The following PTPRM variants were observed in gnomAD, a reference collection of about 807,000 sequenced individuals.
PTPRM encodes receptor-type tyrosine-protein phosphatase mu.
A neutral mutation model predicts 186.7 loss-of-function variants in PTPRM; 47 were observed. That is an observed-to-expected ratio of 0.25 (90% confidence interval 0.20 to 0.32). The LOEUF is 0.32. PTPRM is among the 10% of genes least tolerant of loss of function. PTPRM has a pLI of 1.00. For synonymous variants in PTPRM, 668 were observed against 674.9 expected, an observed-to-expected ratio of 0.99 and a Z score of 0.16; for missense variants, 1,494 against 1,865.0, an observed-to-expected ratio of 0.80 and a Z score of 3.66.
intron 11 of PTPRM, among the ~76,000 whole-genome samples, chr18:8,108,375 T>C (rs2091613989): frequency 1.3e-5 from 2 of 152,150 alleles, no homozygotes; most frequent in Admixed American, 6.6e-5. Context: ...CCTTCTCTGT[T>C]CTCTTCCTTA....
intron 14 of PTPRM, among the ~76,000 whole-genome samples, chr18:8,194,158 T>C (rs1212343062): frequency 1.3e-5 from 2 of 152,232 alleles, no homozygotes; most frequent in Non-Finnish European, 2.9e-5. Flanking sequence ...TCAAAATATG[T>C]TTAGAATCTT....
chr18:7,901,918 A>C (rs951552225), intron 3 of PTPRM, among the ~76,000 whole-genome samples: 7 of 152,238 alleles, frequency 4.6e-5, no homozygotes, highest in Non-Finnish European at 1.0e-4. Flanking sequence ...ACTTGTACTC[A>C]AGTCCCTTAA....
chr18:8,391,357 G>C lies in PTPRM; in HGVS notation c.4209-3119G>C, dbSNP rs1364662207. ...CTGGAAACAGCCCAAACATTCATCA[G>C]CTGTTGGATAAATTGTACAGTGGGT... On this transcript the variant is annotated intron_variant, in intron 31 of 32. Transcript: ENST00000580170. Among the ~76,000 whole-genome samples the C allele has an allele frequency of 2.0e-5, 3 of 152,198 alleles. No homozygotes were observed. In the South Asian group the frequency reaches 6.2e-4, roughly 31 times the overall value.
chr18:7,929,104 G>A (rs535527069), intron 5 of PTPRM, among the ~76,000 whole-genome samples: 110 of 152,122 alleles, frequency 7.2e-4, no homozygotes, highest in African/African-American at 2.4e-3. Flanking sequence ...GGGGCCCAGC[G>A]TGCAATGTTT....
chr18:7,640,804 G>T (rs2038425857), intron 1 of PTPRM, among the ~76,000 whole-genome samples: 1 of 152,164 alleles, frequency 6.6e-6, no homozygotes, highest in Non-Finnish European at 1.5e-5. Flanking sequence ...GATTAATTAA[G>T]AGGGTGCTTA....
At chr18:7,773,584 TTTTTG>T (rs2042434664) in intron 1 of PTPRM, among the ~76,000 whole-genome samples, 1 of 114,820 alleles carries the variant, frequency 8.7e-6, no homozygotes, top group Non-Finnish European at 1.8e-5. Context: ...TTTTTTTTTT[TTTTTG>T]TTTGTTTGTT....
intron 14 of PTPRM, among the ~76,000 whole-genome samples, chr18:8,232,935 TTGTC>T (rs2094304613): frequency 6.6e-6 from 1 of 152,132 alleles, no homozygotes; most frequent in South Asian, 2.1e-4. Flanking sequence ...TGTCAGGTAA[TTGTC>T]AGTCGGCCAT....
intron 1 of PTPRM, among the ~76,000 whole-genome samples, chr18:7,662,059 AGGCGGGTGCCACC>A (rs2038991965): frequency 2.6e-5 from 4 of 152,136 alleles, no homozygotes; most frequent in East Asian, 1.9e-4. Flanking sequence ...TGGGGACCAC[AGGCGGGTGCCACC>A]GGTGGGTGCC....
intron 2 of PTPRM, among the ~76,000 whole-genome samples, chr18:7,786,462 A>G (rs917084399): frequency 1.3e-5 from 2 of 152,168 alleles, no homozygotes; most frequent in Non-Finnish European, 2.9e-5. Flanking sequence ...TTTCCTTGAA[A>G]GAGGTATCTT....
At chr18:8,391,072 C>A (rs1263247836) in intron 31 of PTPRM, among the ~76,000 whole-genome samples, 1 of 152,104 alleles carries the variant, frequency 6.6e-6, no homozygotes, top group African/African-American at 2.4e-5. Flanking sequence ...TGTGTACTCA[C>A]CAGAATGGCT....
At chr18:7,823,492 A>G (rs1015457304) in intron 2 of PTPRM, among the ~76,000 whole-genome samples, 1 of 152,156 alleles carries the variant, frequency 6.6e-6, no homozygotes, top group African/African-American at 2.4e-5. Flanking sequence ...TGTGTCTGTG[A>G]GGGTGCTGCC....
intron 2 of PTPRM, among the ~76,000 whole-genome samples, chr18:7,881,279 A>G (rs1262056832): frequency 6.6e-6 from 1 of 152,152 alleles, no homozygotes; most frequent in Non-Finnish European, 1.5e-5. Context: ...TACTAAAAAT[A>G]CAAAAATTAG....
chr18:8,267,411 A>T (rs1053509112), intron 19 of PTPRM, among the ~76,000 whole-genome samples: 5 of 152,106 alleles, frequency 3.3e-5, no homozygotes, highest in Admixed American at 6.5e-5. Context: ...ATATAATTTT[A>T]AAAAGAAATT....
intron 2 of PTPRM, among the ~76,000 whole-genome samples, chr18:7,842,928 G>GTATATATA (rs1365364776): frequency 6.4e-5 from 4 of 62,714 alleles, no homozygotes; most frequent in East Asian, 1.2e-3. Flanking sequence ...GTGTGTGTGT[G>GTATATATA]TGTATATATA....
intron 21 of PTPRM, among the ~76,000 whole-genome samples, chr18:8,315,360 G>C (rs1344532324): frequency 6.6e-6 from 1 of 152,186 alleles, no homozygotes; most frequent in Non-Finnish European, 1.5e-5. Flanking sequence ...GTCTGCATCT[G>C]TTCACCAGGA....
intron 1 of PTPRM, among the ~76,000 whole-genome samples, chr18:7,639,359 C>CG (rs2038391886): frequency 6.6e-6 from 1 of 151,060 alleles, no homozygotes; most frequent in Admixed American, 6.6e-5. Context: ...CGTGAGCCAC[C>CG]GCACCCAGCC....
intron 14 of PTPRM, among the ~76,000 whole-genome samples, chr18:8,164,868 C>G (rs1319441482): frequency 6.8e-6 from 1 of 146,730 alleles, no homozygotes; most frequent in Non-Finnish European, 1.5e-5. Context: ...TATTTTATTA[C>G]AATAAATATC....
chr18:7,729,002 C>G (rs78115959), intron 1 of PTPRM, among the ~76,000 whole-genome samples: 2,957 of 151,116 alleles, frequency 0.02, 83 homozygotes, highest in East Asian at 0.11. Context: ...TCTTGAATTC[C>G]TGGCCTCAAG....
At chr18:7,573,620 G>T (rs751182142) in intron 1 of PTPRM, among the ~76,000 whole-genome samples, 6 of 151,876 alleles carry the variant, frequency 4.0e-5, no homozygotes, top group African/African-American at 1.5e-4. Flanking sequence ...ACAAAGTCTC[G>T]CTCTTGTCCC....
Sources: allele counts gnomAD v4.1 joint callset (sites outside exome capture counted in the v4.1 genomes callset), GRCh38; gene constraint gnomAD v4.1.1; transcripts MANE v1.5; gene names NCBI Gene and HGNC (gene_info 2026-07-23, HGNC 2026-07-21).